Variants in GSE1 observed in about 807,000 individuals in gnomAD.
GSE1 encodes genetic suppressor element 1.
Under a neutral mutation model 112.6 loss-of-function variants are expected in GSE1, and 32 were observed. The observed-to-expected ratio is 0.28, with a 90% CI of 0.21 to 0.38. The LOEUF (loss-of-function observed/expected upper bound fraction) is 0.38. GSE1 is among the 10% of genes least tolerant of loss of function. The pLI, the probability that GSE1 is intolerant of heterozygous loss-of-function variation, is 1.00. For synonymous variants in GSE1, 1,115 were observed against 735.6 expected (o/e 1.52, Z -8.35); for missense variants, 2,348 against 1,699.2 (o/e 1.38, Z -6.71).
chr16:85,639,700 G>A (rs1417258830), intron 2 of GSE1, among the ~76,000 whole-genome samples: 1 of 152,248 alleles, frequency 6.6e-6, no homozygotes, highest in African/African-American at 2.4e-5. Flanking sequence ...TGTGACAGCT[G>A]TCGGGCCTGC....
intron 1 of GSE1, among the ~76,000 whole-genome samples, chr16:85,199,382 G>A (rs950047126): frequency 7.9e-5 from 12 of 152,338 alleles, no homozygotes; most frequent in African/African-American, 2.9e-4. Flanking sequence ...CACAGTACCT[G>A]GCTGTGGGGT....
intron 1 of GSE1, among the ~76,000 whole-genome samples, chr16:85,251,430 G>T (rs1906468737): frequency 6.6e-6 from 1 of 152,274 alleles, no homozygotes; most frequent in African/African-American, 2.4e-5. Flanking sequence ...CCAGCTGGCT[G>T]AGCTGCAGCA....
rs145442324 is a variant in GSE1, at chr16:85,252,119, G to A, written c.2283+80312G>A. Among the ~76,000 whole-genome samples, 27 of 152,332 alleles carry A rather than the reference G, an allele frequency of 1.8e-4. No individual in the cohort carries two copies. In the East Asian group the frequency reaches 4.1e-3, roughly 23 times the overall value. On this transcript the variant is annotated intron_variant, in intron 1 of 2. Coordinates refer to the GSE1 transcript ENST00000637419. ...TGACTCCCGCACTGTGGGATTAAAC[G>A]AAGCTTGGAAATGACGGAGCTTCGT... is the stretch of plus-strand genomic sequence containing the variant.
intron 1 of GSE1, among the ~76,000 whole-genome samples, chr16:85,617,194 C>G (rs1044142596): frequency 6.6e-6 from 1 of 152,200 alleles, no homozygotes; most frequent in Non-Finnish European, 1.5e-5. Flanking sequence ...CCCTCGCATC[C>G]ATACTCCCAT....
intron 1 of GSE1, among the ~76,000 whole-genome samples, chr16:85,626,741 G>T (rs998158324): frequency 8.5e-5 from 13 of 152,136 alleles, no homozygotes; most frequent in Non-Finnish European, 1.6e-4. Context: ...GGGAAGAGCC[G>T]GGATGAAAGG....
chr16:85,212,712 C>T (rs71389104), intron 1 of GSE1, among the ~76,000 whole-genome samples: 3,236 of 152,296 alleles, frequency 0.021, 95 homozygotes, highest in East Asian at 0.11. Context: ...ACTAATATGA[C>T]GCCCCACAGA....
chr16:85,190,059 T>A (rs1462036614), intron 1 of GSE1, among the ~76,000 whole-genome samples: 2 of 152,220 alleles, frequency 1.3e-5, no homozygotes, highest in Non-Finnish European at 2.9e-5. Context: ...AGAAGAAATG[T>A]GTATGAAAAC....
intron 2 of GSE1, among the ~76,000 whole-genome samples, chr16:85,504,796 G>A (rs1360894079): frequency 6.6e-6 from 1 of 152,132 alleles, no homozygotes; most frequent in Non-Finnish European, 1.5e-5. Context: ...CAGAACAAGG[G>A]GGTACAGAGC....
intron 13 of GSE1, chr16:85,666,747 G>A (rs1567762484): frequency 4.4e-6 from 1 of 224,976 alleles, no homozygotes; most frequent in East Asian, 1.4e-4. Context: ...CAGAGATGCA[G>A]ATGGCCGCCA....
Position 85,613,366 on chromosome 16 carries a change from C to G in GSE1, c.-26C>G. Reference sequence around the variant, plus strand: ...CGACGGTGGCTCCAGCATGTATCAGCCGAGGTGGAGCTGCGGGGCCCTGGC... The same window carrying G: ...CGACGGTGGCTCCAGCATGTATCAGGCGAGGTGGAGCTGCGGGGCCCTGGC... On this transcript the variant is annotated 5_prime_UTR_variant, in exon 1 of 16. Coordinates refer to ENST00000253458, the MANE Select transcript of GSE1 (RefSeq NM_014615.5). 2 of 1,569,818 alleles carry G rather than the reference C, an allele frequency of 1.3e-6. No individual in the cohort carries two copies. Among genetic ancestry groups the G allele is most frequent in the Non-Finnish European group, 1.7e-6 (2 of 1,158,550 alleles).
chr16:85,352,868 A>C (rs778268083), intron 1 of GSE1, among the ~76,000 whole-genome samples: 1 of 152,194 alleles, frequency 6.6e-6, no homozygotes, highest in Non-Finnish European at 1.5e-5. Flanking sequence ...TGGTAGTGGG[A>C]AGAGCTAGGC....
intron 1 of GSE1, among the ~76,000 whole-genome samples, chr16:85,254,091 C>G (rs1035223995): frequency 6.6e-6 from 1 of 152,176 alleles, no homozygotes; most frequent in African/African-American, 2.4e-5. Context: ...CGATTGCCAG[C>G]CCGTATGGGG....
At chr16:85,583,732 A>C (rs930799131) in intron 1 of GSE1, among the ~76,000 whole-genome samples, 15 of 152,116 alleles carry the variant, frequency 9.9e-5, no homozygotes, top group Admixed American at 4.6e-4. Flanking sequence ...GCCAAAACAC[A>C]AAAAAACAAA....
chr16:85,475,075 A>G (rs1002675505), intron 2 of GSE1, among the ~76,000 whole-genome samples: 5 of 152,088 alleles, frequency 3.3e-5, no homozygotes, highest in African/African-American at 1.2e-4. Context: ...TGTGCCTTGT[A>G]ATAACACTCC....
At chr16:85,581,783 C>T (rs527855263) in intron 1 of GSE1, among the ~76,000 whole-genome samples, 1 of 152,120 alleles carries the variant, frequency 6.6e-6, no homozygotes, top group African/African-American at 2.4e-5. Flanking sequence ...GCATCAGGCA[C>T]GAGTGGATGG....
In GSE1 at chr16:85,328,277, A is replaced by G. The variant is rs537729841; in HGVS notation, c.2284-29186A>G. Among the ~76,000 whole-genome samples the G allele has an allele frequency of 2.8e-4, 42 of 152,310 alleles. No individual in the cohort carries two copies. The South Asian group carries it at 7.0e-3, about 26-fold the overall frequency. On this transcript the variant is annotated intron_variant, in intron 1 of 2. Coordinates refer to the GSE1 transcript ENST00000637419. ...CGAAAGGGCCTGGAATTCCCTGTCCAGGGTGGGGCTGTCACCCCAGAGAAG... is the reference window on the plus strand; with the variant it reads ...CGAAAGGGCCTGGAATTCCCTGTCCGGGGTGGGGCTGTCACCCCAGAGAAG...
chr16:85,517,242 G>A (rs2051979510), intron 2 of GSE1, among the ~76,000 whole-genome samples: 1 of 152,106 alleles, frequency 6.6e-6, no homozygotes, highest in African/African-American at 2.4e-5. Context: ...TGGTGTCTCT[G>A]TGGGAGGCGG....
rs1035204920 is a variant in GSE1 at position 85,330,926 on chromosome 16, C to G, written c.2284-26537C>G. Among the ~76,000 whole-genome samples the G allele has an allele frequency of 2.6e-5, 4 of 152,044 alleles. No homozygotes were observed. The South Asian group carries it at 8.3e-4, about 32-fold the overall frequency. The stretch of plus-strand genomic sequence containing the variant: ...ATCACTCTTGTCTTGCTGCTTAAGA[C>G]ACGTGGGAGCTGTTAATGGCTCACA... On this transcript the variant is annotated intron_variant, in intron 1 of 2. Coordinates refer to the GSE1 transcript ENST00000637419.
At position 85,210,310 on chromosome 16, in the gene GSE1, A is replaced by G. The variant is rs1362886250; in HGVS notation, c.2283+38503A>G. Among the ~76,000 whole-genome samples, 3 of 152,230 alleles carry G rather than the reference A, an allele frequency of 2.0e-5. No individual in the cohort carries two copies. In the East Asian group the frequency reaches 5.8e-4, roughly 29 times the overall value. Reference sequence around the variant, plus strand: ...TATTTACCAGGTGGAAACAAAATCCAAATGTCCACAGTAAGGTGTGATTGA... The same window carrying G: ...TATTTACCAGGTGGAAACAAAATCCGAATGTCCACAGTAAGGTGTGATTGA... On this transcript the variant is annotated intron_variant, in intron 1 of 2. Coordinates refer to the GSE1 transcript ENST00000637419.
Sources: allele counts gnomAD v4.1 joint callset (sites outside exome capture counted in the v4.1 genomes callset), GRCh38; gene constraint gnomAD v4.1.1; transcripts MANE v1.5; gene names NCBI Gene and HGNC (gene_info 2026-07-23, HGNC 2026-07-21).